The following SLC44A5 variants were observed in gnomAD, a reference collection of about 807,000 sequenced individuals.
The protein encoded by SLC44A5 is solute carrier family 44 member 5, also known as choline transporter-like protein 5.
In SLC44A5, 57 loss-of-function variants were observed where a neutral mutation model predicts 101.8. That is an observed-to-expected ratio of 0.56 (90% CI 0.45 to 0.70). The LOEUF is 0.70. Ranked by LOEUF, SLC44A5 falls within the 30% of genes least tolerant of loss-of-function variation. The pLI is 0.00. For synonymous variants in SLC44A5, 281 were observed against 290.9 expected, an observed-to-expected ratio of 0.97 and a Z score of 0.35; for missense variants, 737 against 853.1, an observed-to-expected ratio of 0.86 and a Z score of 1.70.
chr1:75,367,717 C>T (rs1309011632), intron 3 of SLC44A5, among the ~76,000 whole-genome samples: 1 of 152,166 alleles, frequency 6.6e-6, no homozygotes, highest in Non-Finnish European at 1.5e-5. Context: ...GGGGATGGAG[C>T]TGTTTCCAGG....
intron 2 of SLC44A5, among the ~76,000 whole-genome samples, chr1:75,532,121 T>A (rs1670754046): frequency 6.6e-6 from 1 of 152,138 alleles, no homozygotes; most frequent in Non-Finnish European, 1.5e-5. Flanking sequence ...TTTAACAAGC[T>A]CTCCAGGTGG....
At chr1:75,312,533 G>A (rs1333518192) in intron 4 of SLC44A5, among the ~76,000 whole-genome samples, 7 of 152,058 alleles carry the variant, frequency 4.6e-5, no homozygotes, top group Non-Finnish European at 8.8e-5. Context: ...ACAGAAGCGA[G>A]TTTGGTTCTT....
intron 2 of SLC44A5, among the ~76,000 whole-genome samples, chr1:75,492,541 A>G (rs139783636): frequency 7.5e-4 from 114 of 152,344 alleles, no homozygotes; most frequent in African/African-American, 2.5e-3. Context: ...TTATAGTCTA[A>G]TAAGGAAGAT....
At chr1:75,685,737 A>G in the SLC44A5 span, among the ~76,000 whole-genome samples, 2 of 152,162 alleles carry the variant, frequency 1.3e-5, no homozygotes, top group African/African-American at 4.8e-5. Context: ...AACTGTTCCA[A>G]CATCTGTCTG....
intron 17 of SLC44A5, 146 bp from the exon 18 acceptor site, chr1:75,218,106 A>G: frequency 1.6e-6 from 1 of 639,872 alleles, no homozygotes; most frequent in Non-Finnish European, 2.7e-6. Context: ...GATTGATAAA[A>G]GTCTCTATAG....
At chr1:75,383,189 A>G (rs1661022650) in intron 3 of SLC44A5, among the ~76,000 whole-genome samples, 1 of 96,792 alleles carries the variant, frequency 1.0e-5, no homozygotes, top group African/African-American at 4.1e-5. Context: ...TGATGCAAAG[A>G]CCTTTGTTCA....
Position 75,211,760 on chromosome 1 carries a change from T to A in SLC44A5, c.1963-208A>T, listed in dbSNP as rs887975488. On this transcript the variant is annotated intron_variant, in intron 22 of 23. Coordinates refer to ENST00000370859, the MANE Select transcript of SLC44A5 (RefSeq NM_001130058.2). ...CAAGTTTTATTAAATTAACTGCCTT[T>A]TTTTTCCCTTTTTTGGGGGGTACTA... Among the ~76,000 whole-genome samples the A allele has an allele frequency of 3.3e-5, 5 of 152,178 alleles. No individual in the cohort carries two copies. The South Asian group carries it at 6.2e-4, about 19-fold the overall frequency.
At chr1:75,209,539 C>G (rs1286195922) in intron 23 of SLC44A5, among the ~76,000 whole-genome samples, 3 of 152,142 alleles carry the variant, frequency 2.0e-5, no homozygotes, top group African/African-American at 7.2e-5. Context: ...ACCACTGAAG[C>G]ACTAGGAAAA....
At chr1:75,609,465 T>C (rs1459773614) in intron 1 of SLC44A5, among the ~76,000 whole-genome samples, 1 of 152,064 alleles carries the variant, frequency 6.6e-6, no homozygotes, top group African/African-American at 2.4e-5. Flanking sequence ...AGATTGTAGA[T>C]TTTAAGAAAC....
At chr1:75,591,316 A>C (rs1451987866) in intron 1 of SLC44A5, among the ~76,000 whole-genome samples, 1 of 152,134 alleles carries the variant, frequency 6.6e-6, no homozygotes, top group East Asian at 1.9e-4. Context: ...AAAACAAATA[A>C]CAAATGGCAC....
intron 1 of SLC44A5, among the ~76,000 whole-genome samples, chr1:75,610,109 T>C (rs987385051): frequency 1.4e-5 from 2 of 147,010 alleles, no homozygotes; most frequent in African/African-American, 5.0e-5. Flanking sequence ...AGAGCTAAGA[T>C]TCAAGACTTC....
In SLC44A5 at chr1:75,219,855, C is replaced by G; in HGVS notation, c.1123G>C (p.Ala375Pro). The G allele has an allele frequency of 6.2e-7, 1 of 1,612,494 alleles. No individual in the cohort carries two copies. Among genetic ancestry groups the G allele is most frequent in the African/African-American group, 1.3e-5 (1 of 74,932 alleles). Reference sequence around the variant, plus strand: ...ATTGAGAGCAAAATGAAAGTTAAAGCTGGATAGACTAATGTACTAGGAACA... The same window carrying G: ...ATTGAGAGCAAAATGAAAGTTAAAGGTGGATAGACTAATGTACTAGGAACA... ...GYVPSTLVYP[A>P]LTFILLSICI... The change falls in exon 15 of 24, where the codon GCT (alanine) becomes CCT (proline). Residue 375 changes from alanine to proline, a missense_variant. Coordinates refer to ENST00000370859, the MANE Select transcript of SLC44A5 (RefSeq NM_001130058.2).
At chr1:75,357,957 T>C (rs1659202659) in intron 3 of SLC44A5, among the ~76,000 whole-genome samples, 1 of 152,024 alleles carries the variant, frequency 6.6e-6, no homozygotes, top group Non-Finnish European at 1.5e-5. Flanking sequence ...TTTAACATGG[T>C]TTTTGCACTA....
intron 2 of SLC44A5, among the ~76,000 whole-genome samples, chr1:75,402,827 G>A (rs865912449): frequency 6.6e-6 from 1 of 152,104 alleles, no homozygotes; most frequent in Non-Finnish European, 1.5e-5. Flanking sequence ...AGTGGTGCCT[G>A]GAATGCCAGT....
At chr1:75,307,696 C>T (rs1655012911) in intron 4 of SLC44A5, among the ~76,000 whole-genome samples, 1 of 152,210 alleles carries the variant, frequency 6.6e-6, no homozygotes, top group Non-Finnish European at 1.5e-5. Flanking sequence ...ATTGTATCCA[C>T]CCCCTTGGTT....
At chr1:75,388,325 G>A (rs1026318994) in intron 3 of SLC44A5, among the ~76,000 whole-genome samples, 7 of 147,940 alleles carry the variant, frequency 4.7e-5, no homozygotes, top group African/African-American at 9.9e-5. Flanking sequence ...TTCTAAATGT[G>A]GAAATAAAAG....
intron 3 of SLC44A5, among the ~76,000 whole-genome samples, chr1:75,350,666 G>A (rs1033898666): frequency 4.0e-5 from 6 of 151,696 alleles, no homozygotes; most frequent in Admixed American, 6.6e-5. Flanking sequence ...AGGCCAAGGC[G>A]GGAGGATCAC....
At chr1:75,590,752 A>T (rs1674304760) in intron 1 of SLC44A5, among the ~76,000 whole-genome samples, 1 of 152,140 alleles carries the variant, frequency 6.6e-6, no homozygotes, top group African/African-American at 2.4e-5. Flanking sequence ...GGGAAGGACT[A>T]CATCTTGCAG....
chr1:75,315,174 T>A (rs546876377), intron 4 of SLC44A5, among the ~76,000 whole-genome samples: 2 of 152,282 alleles, frequency 1.3e-5, no homozygotes, highest in East Asian at 1.9e-4. Context: ...TATGTCCATT[T>A]ATGTGTGTTT....
Sources: gnomAD v4.1 joint callset for allele counts (sites outside exome capture counted in the v4.1 genomes callset) on GRCh38, gnomAD v4.1.1 for gene constraint, MANE v1.5 for transcripts, NCBI Gene and HGNC (gene_info 2026-07-23, HGNC 2026-07-21) for gene names.